Variants in FCAR observed in about 807,000 individuals in gnomAD.
FCAR encodes the protein immunoglobulin alpha Fc receptor.
Under a neutral mutation model 27.1 loss-of-function variants are expected in FCAR, and 21 were observed. The observed-to-expected ratio is 0.77, with a 90% CI of 0.55 to 1.11. The LOEUF is 1.11. FCAR is among the 50% of genes most tolerant of loss of function. The pLI, the probability that FCAR is intolerant of heterozygous loss-of-function variation, is 0.00. For missense variants in FCAR, 404 were observed against 358.4 expected (o/e 1.13, Z -1.03); for synonymous variants, 134 against 135.8 (o/e 0.99, Z 0.09).
chr19:54,880,944 C>G (rs960210080), intron 2 of FCAR: 1 of 152,192 alleles, frequency 6.6e-6, no homozygotes, highest in South Asian at 2.1e-4. Flanking sequence ...CCGCTGTGCT[C>G]CCTCTCACGC....
intron 2 of FCAR, among the ~76,000 whole-genome samples, chr19:54,882,589 C>T (rs1219353499): frequency 6.6e-6 from 1 of 151,848 alleles, no homozygotes; most frequent in Non-Finnish European, 1.5e-5. Flanking sequence ...CAGGTGTGTG[C>T]CACCACGCCC....
rs59309328 is a variant in FCAR at position 54,890,115 on chromosome 19, A to C, written c.*252A>C. Reference sequence around the variant, plus strand: ...ATTACAGGCACATACCACTGCACCCAGCTAATTTTTGTATTTTTAGTAGAG... The same window carrying C: ...ATTACAGGCACATACCACTGCACCCCGCTAATTTTTGTATTTTTAGTAGAG... On this transcript the variant is annotated 3_prime_UTR_variant, in exon 5 of 5. Coordinates refer to ENST00000355524, the MANE Select transcript of FCAR (RefSeq NM_002000.4). 1.9e-6 allele frequency: 1 copy of C among 529,704 alleles called. No individual in the cohort carries two copies. Among genetic ancestry groups the C allele is most frequent in the Non-Finnish European group, 3.4e-6 (1 of 297,290 alleles). The allele number at this position is 529,704 out of a possible 1,614,324, so 32.8% of individuals were successfully genotyped here.
intron 4 of FCAR, chr19:54,888,527 C>T (rs1028448034): frequency 1.3e-5 from 18 of 1,368,390 alleles, no homozygotes; most frequent in East Asian, 5.4e-5. Context: ...GAAGGGCTAA[C>T]TCAGTTTGTT....
intron 2 of FCAR, among the ~76,000 whole-genome samples, chr19:54,878,938 G>A (rs2066261624): frequency 7.1e-6 from 1 of 140,954 alleles, no homozygotes; most frequent in African/African-American, 2.7e-5. Context: ...GAGTGCAGTG[G>A]TATGATCTTG....
chr19:54,877,167 A>G (rs1167098711), intron 2 of FCAR, among the ~76,000 whole-genome samples: 2 of 152,174 alleles, frequency 1.3e-5, no homozygotes, highest in Non-Finnish European at 2.9e-5. Flanking sequence ...ACGTTTCAGT[A>G]GGTATAGTAC....
chr19:54,878,968 T>G (rs2066264083), intron 2 of FCAR, among the ~76,000 whole-genome samples: 1 of 145,116 alleles, frequency 6.9e-6, no homozygotes, highest in South Asian at 2.2e-4. Context: ...AACTTCTGCC[T>G]CCCAGGTTCA....
At chr19:54,886,825 G>A (rs1415200146) in intron 3 of FCAR, among the ~76,000 whole-genome samples, 1 of 152,238 alleles carries the variant, frequency 6.6e-6, no homozygotes, top group Non-Finnish European at 1.5e-5. Flanking sequence ...GAAATTGTCC[G>A]ATGTTTTGCT....
At chr19:54,875,508 C>A in intron 2 of FCAR, 143 bp downstream of exon 2, 1 of 738,246 alleles carries the variant, frequency 1.4e-6, no homozygotes, top group Non-Finnish European at 2.3e-6. Context: ...TGCATAATTT[C>A]TATCTCACTT....
At chr19:54,888,491 A>T in intron 4 of FCAR, 197 bp downstream of exon 4, 1 of 1,417,894 alleles carries the variant, frequency 7.1e-7, no homozygotes, top group South Asian at 1.6e-5. Context: ...GACAGGGTTC[A>T]TTGAAAACTT....
chr19:54,885,452 G>A lies in FCAR; in HGVS notation c.288G>A (p.Gly96=). The change falls in exon 3 of 5, where the codon GGG becomes GGA. Residue 96 remains glycine (G), a synonymous_variant. Transcript: ENST00000355524. ...ACCACATGGACGCAAACAAGGCAGG[G>A]CGCTATCAGTGCCAATATAGGATAG... ...VIDHMDANKA[G]RYQCQYRIGH... is the part of the protein sequence containing the mutation. The A allele has an allele frequency of 6.2e-7, 1 of 1,613,972 alleles. No homozygotes were observed. Among genetic ancestry groups the A allele is most frequent in the South Asian group, 1.1e-5 (1 of 91,074 alleles).
rs587726480 is a variant in FCAR, at chr19:54,886,375, C to T, written c.361+850C>T. ...AGGCTGGAGTGCAGTGGCACAATCT[C>T]GGCTCACTGCAAGCTCCAACCTCCC... is the stretch of plus-strand genomic sequence containing the variant. On this transcript the variant is annotated intron_variant, in intron 3 of 4. Transcript: ENST00000355524. Among the ~76,000 whole-genome samples the T allele has an allele frequency of 7.7e-3, 1,055 of 136,778 alleles. 11 individuals carry two copies. The highest frequency in any genetic ancestry group is 0.026 in the African/African-American group (947 of 36,380). 89.7% of individuals were successfully genotyped at this position (136,778 alleles called of 152,430 possible).
At chr19:54,879,013 G>A (rs889572324) in intron 2 of FCAR, among the ~76,000 whole-genome samples, 2 of 151,022 alleles carry the variant, frequency 1.3e-5, no homozygotes, top group Non-Finnish European at 2.9e-5. Flanking sequence ...CAAATAGCTG[G>A]GATTACAGGT....
At chr19:54,875,170 C>CAA (rs75098947) in intron 1 of FCAR, among the ~76,000 whole-genome samples, 160 bp from the exon 2 acceptor site, 6 of 115,098 alleles carry the variant, frequency 5.2e-5, no homozygotes, top group Non-Finnish European at 5.5e-5. Flanking sequence ...GACTCTGTCT[C>CAA]AAAAAAAAAA....
chr19:54,884,257 G>A (rs587716378), intron 2 of FCAR, among the ~76,000 whole-genome samples: 1 of 152,206 alleles, frequency 6.6e-6, no homozygotes, highest in African/African-American at 2.4e-5. Flanking sequence ...TGGCCTCTGC[G>A]GGGGCTGTGG....
intron 3 of FCAR, among the ~76,000 whole-genome samples, chr19:54,885,750 C>T (rs2066683914): frequency 6.6e-6 from 1 of 152,220 alleles, no homozygotes; most frequent in Non-Finnish European, 1.5e-5. Flanking sequence ...CAGCTACAGT[C>T]TACAGTTTAT....
At chr19:54,876,474 T>C (rs1445820399) in intron 2 of FCAR, among the ~76,000 whole-genome samples, 2 of 152,190 alleles carry the variant, frequency 1.3e-5, no homozygotes, top group Non-Finnish European at 1.5e-5. Flanking sequence ...TTGTCATACA[T>C]CATTCTTATT....
At chr19:54,883,898 A>G (rs587638255) in intron 2 of FCAR, among the ~76,000 whole-genome samples, 3 of 152,186 alleles carry the variant, frequency 2.0e-5, no homozygotes, top group Admixed American at 2.0e-4. Flanking sequence ...CGGAGCTTGC[A>G]GTGAGCCAAG....
intron 2 of FCAR, among the ~76,000 whole-genome samples, chr19:54,884,691 A>C (rs1204886423): frequency 6.6e-6 from 1 of 150,432 alleles, no homozygotes; most frequent in Non-Finnish European, 1.5e-5. Context: ...ATGGGGGGGA[A>C]GAAAGGGGGT....
At chr19:54,886,297 C>CTTTTTTTTTTTTTTTTTTTT (rs2066718728) in intron 3 of FCAR, among the ~76,000 whole-genome samples, 2 of 80,088 alleles carry the variant, frequency 2.5e-5, no homozygotes, top group Non-Finnish European at 4.5e-5. Context: ...TGTCATGTAT[C>CTTTTTTTTTTTTTTTTTTTT]TTTATTTTTT....
Sources: gnomAD v4.1 joint callset for allele counts (sites outside exome capture counted in the v4.1 genomes callset) on GRCh38, gnomAD v4.1.1 for gene constraint, MANE v1.5 for transcripts, NCBI Gene and HGNC (gene_info 2026-07-23, HGNC 2026-07-21) for gene names.